The following OSTN variants were observed in gnomAD, a reference collection of about 807,000 sequenced individuals.
The protein encoded by OSTN is osteocrin.
In OSTN, 9 loss-of-function variants were observed where a neutral mutation model predicts 12.0. The ratio of observed to expected loss-of-function variants is 0.75; its 90% confidence interval spans 0.45 to 1.30. The LOEUF (loss-of-function observed/expected upper bound fraction) is 1.30, where lower values mean the gene tolerates loss of function less well. Ranked by LOEUF, OSTN falls within the 50% of genes most tolerant of loss-of-function variation. OSTN has a pLI of 0.00. For missense variants in OSTN, 148 were observed against 152.3 expected, an observed-to-expected ratio of 0.97 and a Z score of 0.15; for synonymous variants, 59 against 56.9, an observed-to-expected ratio of 1.04 and a Z score of -0.16.
intron 1 of OSTN, among the ~76,000 whole-genome samples, chr3:191,201,110 T>A (rs1714142866): frequency 6.6e-6 from 1 of 151,902 alleles, no homozygotes; most frequent in Admixed American, 6.6e-5. Context: ...TATTTATTTA[T>A]TTTTTTTAGC....
chr3:191,206,592 G>C (rs1424792931), intron 1 of OSTN, among the ~76,000 whole-genome samples: 1 of 152,170 alleles, frequency 6.6e-6, no homozygotes, highest in African/African-American at 2.4e-5. Flanking sequence ...ACTTTTACCA[G>C]AAAATAGCCA....
In OSTN at chr3:191,258,541, C is replaced by T. The variant is rs545076485; in HGVS notation, c.*13-4325C>T. ...AGCATTAAGAGAAACACCAAATGCA[C>T]GCGGGGTTTAAAACCTAGATGACGG... is the stretch of plus-strand genomic sequence containing the variant. On this transcript the variant is annotated intron_variant, in intron 4 of 4. Coordinates refer to ENST00000682035, the MANE Select transcript of OSTN (RefSeq NM_198184.2). Among the ~76,000 whole-genome samples the T allele has an allele frequency of 1.7e-3, 259 of 151,530 alleles. 7 individuals carry two copies. In the East Asian group the frequency reaches 0.041, roughly 24 times the overall value.
chr3:191,259,220 ACT>A (rs1715745492), intron 4 of OSTN, among the ~76,000 whole-genome samples: 1 of 148,712 alleles, frequency 6.7e-6, no homozygotes, highest in Non-Finnish European at 1.5e-5. Context: ...TTTGAGACAG[ACT>A]CTTGCTTTGT....
At chr3:191,233,539 C>T (rs564715664) in intron 3 of OSTN, among the ~76,000 whole-genome samples, 10 of 152,140 alleles carry the variant, frequency 6.6e-5, no homozygotes, top group South Asian at 2.1e-4. Context: ...CGGGTTCTAG[C>T]GATTCTCCTG....
intron 3 of OSTN, among the ~76,000 whole-genome samples, chr3:191,230,562 C>CAAAAAA (rs35542147): frequency 2.7e-4 from 10 of 36,392 alleles, no homozygotes; most frequent in Non-Finnish European, 4.0e-4. Context: ...GACTCCGTCT[C>CAAAAAA]AAAAAAAAAA....
At chr3:191,246,692 G>A (rs1453128121) in intron 3 of OSTN, among the ~76,000 whole-genome samples, 1 of 151,194 alleles carries the variant, frequency 6.6e-6, no homozygotes, top group African/African-American at 2.4e-5. Context: ...AAGAGGAAGA[G>A]GAGGATGAAA....
chr3:191,260,490 AG>A (rs910984028), intron 4 of OSTN, among the ~76,000 whole-genome samples: 3 of 152,146 alleles, frequency 2.0e-5, no homozygotes, highest in Admixed American at 1.3e-4. Flanking sequence ...CACAGTTGTG[AG>A]GGGGGTGCCA....
intron 3 of OSTN, among the ~76,000 whole-genome samples, chr3:191,234,952 A>C (rs937476301): frequency 6.6e-6 from 1 of 152,192 alleles, no homozygotes; most frequent in Non-Finnish European, 1.5e-5. Flanking sequence ...GAGAAAAGGC[A>C]GCATACATCT....
rs575332839 is a variant in OSTN at position 191,241,167 on chromosome 3, C to CTTTTTTTTTTTTTTTTTTTTTTTTTT, written c.318-8866_318-8841dup. Among the ~76,000 whole-genome samples, 2 of 46,444 alleles carry CTTTTTTTTTTTTTTTTTTTTTTTTTT rather than the reference C, an allele frequency of 4.3e-5. 1 individual carries two copies. Among genetic ancestry groups the CTTTTTTTTTTTTTTTTTTTTTTTTTT allele is most frequent in the Non-Finnish European group, 9.9e-5 (2 of 20,218 alleles). The allele number at this position is 46,444 out of a possible 152,430, so 30.5% of individuals were successfully genotyped here. A position where few individuals can be genotyped will look rare whatever the true frequency, so the allele number is the denominator to read the frequency against. ...AAGTTGGTGGAGCTCTGTGCCTTGA[C>CTTTTTTTTTTTTTTTTTTTTTTTTTT]TTTTTTTTTTTTTTTTTTTTTTTTT... On this transcript the variant is annotated intron_variant, in intron 3 of 4. Transcript: ENST00000682035.
chr3:191,208,089 C>G (rs1560112772), intron 1 of OSTN, among the ~76,000 whole-genome samples: 1 of 152,020 alleles, frequency 6.6e-6, no homozygotes, highest in Non-Finnish European at 1.5e-5. Context: ...TCTTTTGAAA[C>G]TCCACACTAT....
At chr3:191,213,167 C>G (rs1055014874) in intron 2 of OSTN, 6 of 152,112 alleles carry the variant, frequency 3.9e-5, no homozygotes, top group African/African-American at 1.4e-4. Flanking sequence ...CCACGCCCGG[C>G]CTATTTTTTG....
intron 3 of OSTN, among the ~76,000 whole-genome samples, chr3:191,229,005 C>A (rs894888930): frequency 4.6e-5 from 7 of 151,808 alleles, no homozygotes; most frequent in Non-Finnish European, 1.0e-4. Flanking sequence ...ACCTGTAAAA[C>A]AGTATTGCCA....
chr3:191,224,207 G>T (rs148269739), intron 3 of OSTN, among the ~76,000 whole-genome samples: 1 of 151,592 alleles, frequency 6.6e-6, no homozygotes, highest in Non-Finnish European at 1.5e-5. Flanking sequence ...GAAAAACCCC[G>T]TCTCTACTAA....
intron 1 of OSTN, among the ~76,000 whole-genome samples, chr3:191,205,049 G>A (rs544768714): frequency 6.6e-6 from 1 of 152,096 alleles, no homozygotes; most frequent in East Asian, 1.9e-4. Flanking sequence ...AAATTAAAAA[G>A]GTGTAGTTTT....
chr3:191,246,330 G>A (rs1328362671), intron 3 of OSTN, among the ~76,000 whole-genome samples: 2 of 152,020 alleles, frequency 1.3e-5, no homozygotes, highest in African/African-American at 2.4e-5. Flanking sequence ...AGTAGGCCGG[G>A]TGTGGTGGCT....
intron 4 of OSTN, among the ~76,000 whole-genome samples, chr3:191,261,895 A>C (rs1715819998): frequency 6.6e-6 from 1 of 152,216 alleles, no homozygotes; most frequent in Non-Finnish European, 1.5e-5. Context: ...TGCCATTGAA[A>C]TCAGAATGTC....
chr3:191,219,196 T>G (rs1714700978), intron 3 of OSTN, among the ~76,000 whole-genome samples: 1 of 152,240 alleles, frequency 6.6e-6, no homozygotes, highest in Admixed American at 6.5e-5. Flanking sequence ...TAAGAAAGAT[T>G]CTGTCTTATG....
rs147260124 is a variant in OSTN, at chr3:191,225,547, A to G, written c.317+6586A>G. Reference sequence around the variant, plus strand: ...GAAATCATGTTTATTGCAGCACTATACACAATAGTAAAGTCATGGAATCAC... The same window carrying G: ...GAAATCATGTTTATTGCAGCACTATGCACAATAGTAAAGTCATGGAATCAC... On this transcript the variant is annotated intron_variant, in intron 3 of 4. Transcript: ENST00000682035. 1.7e-3 allele frequency among the ~76,000 whole-genome samples: 259 copies of G among 152,270 alleles called. 1 individual carries two copies. The highest frequency in any genetic ancestry group is 5.8e-3 in the African/African-American group (240 of 41,582).
At chr3:191,233,643 G>A (rs1265407191) in intron 3 of OSTN, among the ~76,000 whole-genome samples, 2 of 151,982 alleles carry the variant, frequency 1.3e-5, no homozygotes, top group African/African-American at 2.4e-5. Context: ...GAGCTACCAC[G>A]CCCTGACTTT....
Sources: gnomAD v4.1 joint callset for allele counts (sites outside exome capture counted in the v4.1 genomes callset) on GRCh38, gnomAD v4.1.1 for gene constraint, MANE v1.5 for transcripts, NCBI Gene and HGNC (gene_info 2026-07-23, HGNC 2026-07-21) for gene names.